The following HCN1 variants were observed in gnomAD, a reference collection of about 807,000 sequenced individuals.
HCN1 encodes the protein hyperpolarization activated cyclic nucleotide gated potassium channel 1.
HCN1 carries 13 observed loss-of-function variants against 78.9 expected under a neutral mutation model. The observed-to-expected ratio is 0.16, with a 90% CI of 0.11 to 0.26. The LOEUF is 0.26. Ranked by LOEUF, HCN1 falls within the 10% of genes least tolerant of loss-of-function variation. The pLI is 1.00. For missense variants in HCN1, 810 were observed against 1,154.3 expected, an observed-to-expected ratio of 0.70 and a Z score of 4.32; for synonymous variants, 552 against 455.5, an observed-to-expected ratio of 1.21 and a Z score of -2.70.
At chr5:45,417,257 A>G (rs1267893914) in intron 3 of HCN1, among the ~76,000 whole-genome samples, 1 of 151,962 alleles carries the variant, frequency 6.6e-6, no homozygotes, top group Non-Finnish European at 1.5e-5. Context: ...AGTGGACACT[A>G]ATAAATTTCC....
chr5:45,313,079 CCTT>C (rs751752924), intron 5 of HCN1, among the ~76,000 whole-genome samples: 2 of 152,156 alleles, frequency 1.3e-5, no homozygotes, highest in Non-Finnish European at 1.5e-5. Context: ...TCAAGTGGGT[CCTT>C]GACCCCCAAG....
intron 3 of HCN1, among the ~76,000 whole-genome samples, chr5:45,447,335 C>T (rs1740820211): frequency 6.6e-6 from 1 of 152,160 alleles, no homozygotes; most frequent in African/African-American, 2.4e-5. Flanking sequence ...CACAGCCTCC[C>T]CAGCTCCAGT....
intron 2 of HCN1, among the ~76,000 whole-genome samples, chr5:45,585,352 T>C (rs1744189781): frequency 6.6e-6 from 1 of 152,204 alleles, no homozygotes; most frequent in Non-Finnish European, 1.5e-5. Flanking sequence ...GGTCATGTAG[T>C]TCTCGTGCCA....
At chr5:45,265,341 T>G (rs543135009) in intron 7 of HCN1, among the ~76,000 whole-genome samples, 1 of 152,160 alleles carries the variant, frequency 6.6e-6, no homozygotes, top group African/African-American at 2.4e-5. Context: ...GAAATTAGTC[T>G]CTGTCTCTAA....
intron 3 of HCN1, among the ~76,000 whole-genome samples, chr5:45,450,438 T>C (rs932889348): frequency 6.6e-6 from 1 of 152,178 alleles, no homozygotes; most frequent in East Asian, 1.9e-4. Flanking sequence ...TTATAGATAA[T>C]TTGAATGTCT....
chr5:45,357,028 A>G (rs1047111449), intron 4 of HCN1, among the ~76,000 whole-genome samples: 2 of 151,982 alleles, frequency 1.3e-5, no homozygotes, highest in Admixed American at 6.6e-5. Context: ...GCCTTCATTT[A>G]GTATTATTTT....
At chr5:45,320,137 A>G (rs1240093502) in intron 5 of HCN1, among the ~76,000 whole-genome samples, 1 of 151,888 alleles carries the variant, frequency 6.6e-6, no homozygotes, top group Non-Finnish European at 1.5e-5. Flanking sequence ...TAGACTATAC[A>G]GAGCATATAA....
At chr5:45,390,264 T>C (rs1410954574) in intron 4 of HCN1, among the ~76,000 whole-genome samples, 2 of 152,180 alleles carry the variant, frequency 1.3e-5, no homozygotes, top group Non-Finnish European at 1.5e-5. Context: ...TGGGTTCTTA[T>C]CAGATTAGTG....
intron 2 of HCN1, among the ~76,000 whole-genome samples, chr5:45,521,788 T>C (rs561084097): frequency 2.0e-5 from 3 of 152,052 alleles, no homozygotes; most frequent in Admixed American, 2.0e-4. Flanking sequence ...AATAACGTTA[T>C]AATATAACTT....
chr5:45,536,418 C>T (rs1376481963), intron 2 of HCN1, among the ~76,000 whole-genome samples: 1 of 152,146 alleles, frequency 6.6e-6, no homozygotes, highest in Non-Finnish European at 1.5e-5. Context: ...ATCTTCAACT[C>T]AACTGACTTT....
intron 6 of HCN1, among the ~76,000 whole-genome samples, chr5:45,273,341 A>G (rs1452381334): frequency 2.0e-5 from 3 of 152,072 alleles, no homozygotes; most frequent in Non-Finnish European, 4.4e-5. Flanking sequence ...TACCTTTAAT[A>G]ATCCTTAAGG....
At chr5:45,304,175 A>G (rs1359586174) in intron 5 of HCN1, among the ~76,000 whole-genome samples, 1 of 152,078 alleles carries the variant, frequency 6.6e-6, no homozygotes, top group Non-Finnish European at 1.5e-5. Context: ...AATACATTCT[A>G]TTCTTCCTTT....
At chr5:45,375,807 T>C (rs1396028720) in intron 4 of HCN1, among the ~76,000 whole-genome samples, 2 of 115,542 alleles carry the variant, frequency 1.7e-5, no homozygotes, top group Non-Finnish European at 3.2e-5. Flanking sequence ...ATATATCTTA[T>C]ATATAATATA....
At chr5:45,501,456 C>T (rs965650729) in intron 2 of HCN1, among the ~76,000 whole-genome samples, 6 of 151,558 alleles carry the variant, frequency 4.0e-5, no homozygotes, top group Admixed American at 6.6e-5. Flanking sequence ...TTTTTTGAGA[C>T]GGAGTCTTGC....
At chr5:45,612,528 A>G (rs1744858457) in intron 2 of HCN1, among the ~76,000 whole-genome samples, 1 of 152,164 alleles carries the variant, frequency 6.6e-6, no homozygotes, top group Non-Finnish European at 1.5e-5. Flanking sequence ...CCCAAATATT[A>G]TGAAGTGATA....
intron 2 of HCN1, among the ~76,000 whole-genome samples, chr5:45,516,011 T>A (rs1173806039): frequency 6.6e-6 from 1 of 152,008 alleles, no homozygotes; most frequent in Non-Finnish European, 1.5e-5. Context: ...TTCATGATTC[T>A]AAATTGAGAA....
chr5:45,334,558 C>T (rs941712434), intron 5 of HCN1, among the ~76,000 whole-genome samples: 1 of 151,818 alleles, frequency 6.6e-6, no homozygotes, highest in African/African-American at 2.4e-5. Flanking sequence ...TGTCTTGTTT[C>T]TCCAAGAATA....
intron 2 of HCN1, among the ~76,000 whole-genome samples, chr5:45,582,205 G>A (rs1174624600): frequency 2.0e-5 from 3 of 152,058 alleles, no homozygotes; most frequent in Non-Finnish European, 2.9e-5. Flanking sequence ...CTTGAGCAGT[G>A]GTTTGTAGTT....
At chr5:45,665,391 A>G (rs981075392) in intron 1 of HCN1, among the ~76,000 whole-genome samples, 28 of 151,844 alleles carry the variant, frequency 1.8e-4, no homozygotes, top group African/African-American at 5.8e-4. Context: ...TGGCACATGT[A>G]TACATATGTA....
Sources: allele counts gnomAD v4.1 joint callset (sites outside exome capture counted in the v4.1 genomes callset), GRCh38; gene constraint gnomAD v4.1.1; transcripts MANE v1.5; gene names NCBI Gene and HGNC (gene_info 2026-07-23, HGNC 2026-07-21).